The following PACRG variants were observed in gnomAD, a reference collection of about 807,000 sequenced individuals.
PACRG encodes the protein parkin coregulated.
PACRG carries 29 observed loss-of-function variants against 29.7 expected under a neutral mutation model. That is an observed-to-expected ratio of 0.98 (90% CI 0.73 to 1.33). The LOEUF is 1.33. Ranked by LOEUF, PACRG falls within the 40% of genes most tolerant of loss-of-function variation. PACRG has a pLI of 0.00. For missense variants in PACRG, 279 were observed against 316.2 expected (o/e 0.88, Z 0.89); for synonymous variants, 116 against 118.7 (o/e 0.98, Z 0.15).
At chr6:163,224,660 C>T (rs1781717386) in intron 4 of PACRG, among the ~76,000 whole-genome samples, 1 of 152,110 alleles carries the variant, frequency 6.6e-6, no homozygotes. Flanking sequence ...TGGGCCTTAT[C>T]TCACAACATA....
At chr6:162,817,825 G>A (rs1787489933) in intron 2 of PACRG, among the ~76,000 whole-genome samples, 1 of 151,860 alleles carries the variant, frequency 6.6e-6, no homozygotes, top group Non-Finnish European at 1.5e-5. Context: ...TGAAAAAACG[G>A]GACTCATCTG....
In PACRG at chr6:162,776,776, C is replaced by G. The variant is rs1235893447; in HGVS notation, c.157-37371C>G. Among the ~76,000 whole-genome samples, 3 of 152,326 alleles carry G rather than the reference C, an allele frequency of 2.0e-5. No individual in the cohort carries two copies. In the South Asian group the frequency reaches 6.2e-4, roughly 32 times the overall value. On this transcript the variant is annotated intron_variant, in intron 1 of 4. Coordinates refer to ENST00000366888, the MANE Select transcript of PACRG (RefSeq NM_001080379.2). ...TTGCAAAAGGCCAGACACTGTTTTT[C>G]TCTTTACTAAGAATTTACAGTATTG...
At chr6:163,290,375 AT>A (rs1323335701) in intron 4 of PACRG, among the ~76,000 whole-genome samples, 1 of 151,730 alleles carries the variant, frequency 6.6e-6, no homozygotes, top group African/African-American at 2.4e-5. Context: ...TTCATAACCT[AT>A]TTTGTAGGAG....
chr6:163,114,253 AAAC>A lies in PACRG; in HGVS notation c.613+24860_613+24862del, dbSNP rs374458785. 2.3e-3 allele frequency among the ~76,000 whole-genome samples: 344 copies of A among 152,288 alleles called. 2 individuals carry two copies. The highest frequency in any genetic ancestry group is 7.9e-3 in the African/African-American group (329 of 41,548). On this transcript the variant is annotated intron_variant, in intron 4 of 4. Coordinates refer to ENST00000366888, the MANE Select transcript of PACRG (RefSeq NM_001080379.2). The stretch of plus-strand genomic sequence containing the variant: ...TGAGAGAACTGAGACTCTGTCTCAA[AAAC>A]AACAACAACAACAAAACCTGAAAAG...
intron 4 of PACRG, among the ~76,000 whole-genome samples, chr6:163,228,582 G>T (rs1020388299): frequency 6.6e-6 from 1 of 152,018 alleles, no homozygotes; most frequent in Non-Finnish European, 1.5e-5. Flanking sequence ...TTATACCAAA[G>T]AATTCCTTTT....
rs1416923490 is a variant in PACRG, at chr6:162,972,311, T to C, written c.292-89839T>C. ...GAAGCTTCTTAAGGCCAGTTATTCC[T>C]CTGCCATCTGACTCGCACATGTAGC... On this transcript the variant is annotated intron_variant, in intron 2 of 4. Transcript: ENST00000366888. Among the ~76,000 whole-genome samples the C allele has an allele frequency of 2.0e-5, 3 of 152,208 alleles. 1 individual carries two copies.
chr6:162,866,083 T>C (rs569729973), intron 2 of PACRG, among the ~76,000 whole-genome samples: 2 of 152,318 alleles, frequency 1.3e-5, no homozygotes, highest in South Asian at 4.1e-4. Flanking sequence ...AATGAAAGAT[T>C]GAAGCAGAAT....
intron 2 of PACRG, among the ~76,000 whole-genome samples, chr6:162,971,991 A>C (rs1038989729): frequency 2.0e-5 from 3 of 152,146 alleles, no homozygotes; most frequent in Non-Finnish European, 4.4e-5. Flanking sequence ...TCAGGCTCTA[A>C]GGCCTGTCTC....
intron 4 of PACRG, among the ~76,000 whole-genome samples, chr6:163,307,715 C>T (rs77038975): frequency 0.039 from 5,947 of 152,176 alleles, 137 homozygotes; most frequent in Non-Finnish European, 0.052. Flanking sequence ...AAGTTGAGTC[C>T]CCTCAAAGTT....
At chr6:162,871,693 C>T (rs1584605132) in intron 2 of PACRG, among the ~76,000 whole-genome samples, 2 of 151,868 alleles carry the variant, frequency 1.3e-5, no homozygotes, top group Non-Finnish European at 2.9e-5. Flanking sequence ...CCGAGGCGGG[C>T]GGATCACGAG....
intron 2 of PACRG, among the ~76,000 whole-genome samples, chr6:163,028,822 C>A (rs534418289): frequency 6.6e-6 from 1 of 152,308 alleles, no homozygotes; most frequent in East Asian, 1.9e-4. Flanking sequence ...AGTAATATAA[C>A]AATTTTCTTA....
At chr6:163,095,393 A>T (rs1423700592) in intron 4 of PACRG, 4 of 985,318 alleles carry the variant, frequency 4.1e-6, no homozygotes, top group Non-Finnish European at 4.8e-6. Flanking sequence ...GTAACCTGGT[A>T]GGGCGATGTC....
intron 4 of PACRG, among the ~76,000 whole-genome samples, chr6:163,265,050 T>C (rs2128176890): frequency 6.6e-6 from 1 of 152,340 alleles, no homozygotes; most frequent in Non-Finnish European, 1.5e-5. Context: ...GGACTAGTAC[T>C]CTATCTTATT....
chr6:163,128,388 C>G (rs1816599850), intron 4 of PACRG, among the ~76,000 whole-genome samples: 1 of 152,188 alleles, frequency 6.6e-6, no homozygotes, highest in Non-Finnish European at 1.5e-5. Context: ...AGGGCCGCTG[C>G]TGCAGTCTGG....
At chr6:163,240,853 AG>A in intron 4 of PACRG, among the ~76,000 whole-genome samples, 1 of 152,274 alleles carries the variant, frequency 6.6e-6, no homozygotes, top group East Asian at 1.9e-4. Flanking sequence ...CAAGTAAACG[AG>A]GGCTGCATCA....
At chr6:163,240,070 C>T (rs552909251) in intron 4 of PACRG, among the ~76,000 whole-genome samples, 2 of 142,632 alleles carry the variant, frequency 1.4e-5, no homozygotes, top group East Asian at 4.0e-4. Flanking sequence ...ACACTCACAC[C>T]TCCACCCCCC....
chr6:162,931,532 A>C (rs2128106401), intron 2 of PACRG, among the ~76,000 whole-genome samples: 1 of 152,072 alleles, frequency 6.6e-6, no homozygotes. Flanking sequence ...TTTGCAGTTG[A>C]TATGATATGC....
chr6:162,863,186 C>A (rs542332190), intron 2 of PACRG, among the ~76,000 whole-genome samples: 1 of 152,168 alleles, frequency 6.6e-6, no homozygotes, highest in Non-Finnish European at 1.5e-5. Context: ...TAGTACCGTG[C>A]CTGATGTGGG....
chr6:163,146,183 T>G lies in PACRG; in HGVS notation c.613+56775T>G, dbSNP rs143128096. Among the ~76,000 whole-genome samples the G allele has an allele frequency of 6.4e-3, 979 of 152,300 alleles. 17 individuals carry two copies. The highest frequency in any genetic ancestry group is 0.022 in the African/African-American group (911 of 41,566). ...ATAAATCTTTGTGCATGACACACAT[T>G]TAATGACCAGGAGATGCCGTCGGTA... On this transcript the variant is annotated intron_variant, in intron 4 of 4. Coordinates refer to ENST00000366888, the MANE Select transcript of PACRG (RefSeq NM_001080379.2).
Sources: gnomAD v4.1 joint callset for allele counts (sites outside exome capture counted in the v4.1 genomes callset) on GRCh38, gnomAD v4.1.1 for gene constraint, MANE v1.5 for transcripts, NCBI Gene and HGNC (gene_info 2026-07-23, HGNC 2026-07-21) for gene names.